DCDC2: variants seen among roughly 807,000 people sequenced by gnomAD.
DCDC2 encodes doublecortin domain containing 2.
DCDC2 carries 40 observed loss-of-function variants against 50.2 expected under a neutral mutation model. That is an observed-to-expected ratio of 0.80 (90% CI 0.62 to 1.04). The LOEUF (loss-of-function observed/expected upper bound fraction) is 1.04, where lower values mean the gene tolerates loss of function less well. Among genes scored for constraint, DCDC2 ranks in the 50% least tolerant of loss-of-function variants. The probability of loss-of-function intolerance (pLI) is 0.00; values close to 1 mark genes in which losing one functional copy is unlikely to be tolerated. For missense variants in DCDC2, 570 were observed against 581.9 expected, an observed-to-expected ratio of 0.98 and a Z score of 0.21; for synonymous variants, 234 against 210.6, an observed-to-expected ratio of 1.11 and a Z score of -0.96.
chr6:24,319,215 C>T (rs1209047316), intron 2 of DCDC2, among the ~76,000 whole-genome samples: 3 of 151,424 alleles, frequency 2.0e-5, no homozygotes, highest in African/African-American at 7.3e-5. Flanking sequence ...TGCTTTTTGG[C>T]CATTTGTATG....
At chr6:24,232,653 A>G (rs900782386) in intron 7 of DCDC2, among the ~76,000 whole-genome samples, 5 of 152,210 alleles carry the variant, frequency 3.3e-5, no homozygotes, top group South Asian at 2.1e-4. Context: ...ACAATAGGCT[A>G]TATCTGGTTG....
At chr6:24,374,710 GA>G in the DCDC2 span, among the ~76,000 whole-genome samples, 39 of 152,118 alleles carry the variant, frequency 2.6e-4, no homozygotes, top group Admixed American at 5.2e-4. Context: ...GTGAGAGAAA[GA>G]TGAGCAAAGA....
At chr6:24,325,054 C>T (rs993404587) in intron 2 of DCDC2, among the ~76,000 whole-genome samples, 3 of 152,120 alleles carry the variant, frequency 2.0e-5, no homozygotes, top group Non-Finnish European at 4.4e-5. Context: ...TTACTCTCAG[C>T]CTGCCTACCA....
intron 7 of DCDC2, among the ~76,000 whole-genome samples, chr6:24,257,419 G>C (rs1241805400): frequency 6.6e-6 from 1 of 152,108 alleles, no homozygotes; most frequent in Non-Finnish European, 1.5e-5. Context: ...CCAGTGGAGA[G>C]AAAGGGCATG....
Position 24,206,681 on chromosome 6 carries a change from T to C in DCDC2, c.923-1579A>G, listed in dbSNP as rs115576802. ...AGCGGAGCTACGAATGGTTTGCAGATGTGTTTTAGAATAAGCATTTTACCA... is the reference window on the plus strand; with the variant it reads ...AGCGGAGCTACGAATGGTTTGCAGACGTGTTTTAGAATAAGCATTTTACCA... On this transcript the variant is annotated intron_variant, in intron 7 of 9. Transcript: ENST00000378454. Among the ~76,000 whole-genome samples, 432 of 152,334 alleles carry C rather than the reference T, an allele frequency of 2.8e-3. 1 individual carries two copies. Among genetic ancestry groups the C allele is most frequent in the African/African-American group, 0.01 (416 of 41,572 alleles).
At chr6:24,225,828 C>A (rs1176642373) in intron 7 of DCDC2, among the ~76,000 whole-genome samples, 2 of 152,152 alleles carry the variant, frequency 1.3e-5, no homozygotes, top group Admixed American at 1.3e-4. Context: ...CCCAAAAAAT[C>A]ATAGCAACTG....
intron 8 of DCDC2, among the ~76,000 whole-genome samples, chr6:24,195,033 C>T (rs767408110): frequency 1.6e-4 from 24 of 152,026 alleles, no homozygotes; most frequent in Admixed American, 6.6e-5. Context: ...GTCCACAATG[C>T]GTAACATACA....
chr6:24,184,808 G>A (rs893700243), intron 8 of DCDC2, among the ~76,000 whole-genome samples: 1 of 152,080 alleles, frequency 6.6e-6, no homozygotes, highest in African/African-American at 2.4e-5. Context: ...CACTCTCCTA[G>A]AAATGGTTTT....
At chr6:24,185,768 A>C (rs1001789661) in intron 8 of DCDC2, among the ~76,000 whole-genome samples, 4 of 151,456 alleles carry the variant, frequency 2.6e-5, no homozygotes, top group African/African-American at 7.3e-5. Flanking sequence ...GACAGTCTGC[A>C]AAGAAGGAAA....
chr6:24,322,839 A>G (rs1289384331), intron 2 of DCDC2, among the ~76,000 whole-genome samples: 3 of 152,096 alleles, frequency 2.0e-5, no homozygotes, highest in Non-Finnish European at 4.4e-5. Context: ...GATATATAAA[A>G]CCAAGCTGTA....
intron 2 of DCDC2, among the ~76,000 whole-genome samples, chr6:24,328,822 C>G (rs535608368): frequency 6.6e-6 from 1 of 152,240 alleles, no homozygotes; most frequent in South Asian, 2.1e-4. Context: ...GTTATTTGTA[C>G]GCATATCTAC....
intron 2 of DCDC2, among the ~76,000 whole-genome samples, chr6:24,349,749 G>A (rs1391300524): frequency 1.3e-5 from 2 of 152,144 alleles, no homozygotes; most frequent in African/African-American, 2.4e-5. Flanking sequence ...CTGACACAGG[G>A]AAAGTGGGAG....
chr6:24,345,027 T>C (rs148967082), intron 2 of DCDC2, among the ~76,000 whole-genome samples: 52 of 152,314 alleles, frequency 3.4e-4, no homozygotes, highest in African/African-American at 1.1e-3. Context: ...CTGACTAACA[T>C]AATCCGGAAA....
intron 2 of DCDC2, among the ~76,000 whole-genome samples, chr6:24,331,248 T>A (rs1759959730): frequency 6.6e-6 from 1 of 152,060 alleles, no homozygotes; most frequent in Non-Finnish European, 1.5e-5. Context: ...ACAGTGTTAA[T>A]AAATAAAAGT....
At chr6:24,201,829 A>G (rs978315754) in intron 8 of DCDC2, among the ~76,000 whole-genome samples, 4 of 152,230 alleles carry the variant, frequency 2.6e-5, no homozygotes, top group African/African-American at 9.7e-5. Context: ...TCCCACAGAA[A>G]TACAAATTAC....
the DCDC2 span, among the ~76,000 whole-genome samples, chr6:24,382,009 AAGGC>A: frequency 0.056 from 6,544 of 116,250 alleles, 289 homozygotes; most frequent in African/African-American, 0.12. Flanking sequence ...GGAAGGAAGG[AAGGC>A]AGGCAAGCTA....
Position 24,320,974 on chromosome 6 carries a change from A to C in DCDC2, c.349-18930T>G, listed in dbSNP as rs919805970. On this transcript the variant is annotated intron_variant, in intron 2 of 9. Coordinates refer to ENST00000378454, the MANE Select transcript of DCDC2 (RefSeq NM_016356.5). ...TAAAAAAATTAAAAAAAAAAAAAAA[A>C]CAGCAGGGCCATACTGGAAAGACAC... Among the ~76,000 whole-genome samples the C allele has an allele frequency of 3.3e-4, 50 of 151,920 alleles. 1 individual carries two copies. The highest frequency in any genetic ancestry group is 1.2e-3 in the African/African-American group (48 of 41,482).
At chr6:24,354,018 G>A (rs1056875878) in intron 1 of DCDC2, among the ~76,000 whole-genome samples, 3 of 152,124 alleles carry the variant, frequency 2.0e-5, no homozygotes, top group African/African-American at 2.4e-5. Context: ...TACTGATAGC[G>A]TGCATTAGGG....
chr6:24,180,132 A>G (rs1761036246), intron 8 of DCDC2, among the ~76,000 whole-genome samples: 1 of 152,032 alleles, frequency 6.6e-6, no homozygotes, highest in Non-Finnish European at 1.5e-5. Flanking sequence ...ACTTCCATGA[A>G]GATTAAAGAA....
Sources: gnomAD v4.1 joint callset for allele counts (sites outside exome capture counted in the v4.1 genomes callset) on GRCh38, gnomAD v4.1.1 for gene constraint, MANE v1.5 for transcripts, NCBI Gene and HGNC (gene_info 2026-07-23, HGNC 2026-07-21) for gene names.